Variants in ZNF500 observed in about 807,000 individuals in gnomAD.
The protein encoded by ZNF500 is zinc finger protein with KRAB and SCAN domains 18.
ZNF500 carries 31 observed loss-of-function variants against 30.1 expected under a neutral mutation model. That is an observed-to-expected ratio of 1.03 (90% CI 0.77 to 1.39). ZNF500 has a LOEUF of 1.39. Ranked by LOEUF, ZNF500 falls within the 40% of genes most tolerant of loss-of-function variation. The pLI is 0.00. For synonymous variants in ZNF500, 392 were observed against 282.0 expected, an observed-to-expected ratio of 1.39 and a Z score of -3.91; for missense variants, 817 against 657.8, an observed-to-expected ratio of 1.24 and a Z score of -2.65.
intron 2 of ZNF500, among the ~76,000 whole-genome samples, chr16:4,764,866 T>G (rs1372310302): frequency 6.6e-6 from 1 of 152,142 alleles, no homozygotes; most frequent in African/African-American, 2.4e-5. Context: ...AGCTACTGTT[T>G]TGCATGGCAC....
intron 3 of ZNF500, 43 bp from the exon 4 acceptor site, chr16:4,762,378 G>A: frequency 6.4e-7 from 1 of 1,568,630 alleles, no homozygotes; most frequent in Non-Finnish European, 8.6e-7. Flanking sequence ...AGCTCACCCA[G>A]TACTGCCCCT....
downstream of ZNF500, among the ~76,000 whole-genome samples, chr16:4,745,217 A>T (rs371500798): frequency 1.3e-5 from 2 of 152,284 alleles, no homozygotes; most frequent in Admixed American, 6.5e-5. Flanking sequence ...CTCTGGCCAT[A>T]AATGGCAGGG....
intron 4 of ZNF500, 103 bp from the exon 5 acceptor site, chr16:4,760,691 T>C: frequency 9.7e-7 from 1 of 1,030,762 alleles, no homozygotes; most frequent in South Asian, 1.5e-5. Context: ...CCCTCGAGGC[T>C]GGCGCCAAGC....
downstream of ZNF500, among the ~76,000 whole-genome samples, chr16:4,747,894 A>T (rs2082038168): frequency 6.6e-6 from 1 of 152,186 alleles, no homozygotes; most frequent in Non-Finnish European, 1.5e-5. Flanking sequence ...GGAGATGGGC[A>T]GGGACAGCAG....
chr16:4,744,831 A>G (rs766194544), downstream of ZNF500: 43 of 1,592,186 alleles, frequency 2.7e-5, no homozygotes, highest in Non-Finnish European at 1.8e-5. Flanking sequence ...CAAGTGGGCC[A>G]AGTCCCCACT....
chr16:4,762,787 T>C (rs1444424099), intron 2 of ZNF500, 31 bp from the exon 3 acceptor site: 16 of 1,544,374 alleles, frequency 1.0e-5, no homozygotes, highest in Non-Finnish European at 1.4e-5. Context: ...CCCCACCAGC[T>C]CCCAGAAGGC....
intron 4 of ZNF500, among the ~76,000 whole-genome samples, chr16:4,761,624 T>A (rs1363845889): frequency 1.3e-5 from 2 of 150,174 alleles, no homozygotes; most frequent in Non-Finnish European, 3.0e-5. Context: ...GGCAAGAGGA[T>A]CACTTGAGCC....
At position 4,752,837 on chromosome 16, in the gene ZNF500, G is replaced by C. The variant is rs1248312526; in HGVS notation, c.982C>G (p.Pro328Ala). ...TTGCTGAAGCCTTTGCCACATTCGG[G>C]GCAGGTGTACGGCTTGTCAGCCCCA... ...SHGADKPYTCPECGKGFSKTS... is the reference protein window; with the variant it reads ...SHGADKPYTCAECGKGFSKTS... Residue 328 changes from proline (P) to alanine (A), a missense_variant, in exon 6 of 6, where the codon CCC (proline) becomes GCC (alanine). By Grantham distance (27) the Pro-to-Ala change is conservative (BLOSUM62 -1). Transcript: ENST00000219478. The C allele has an allele frequency of 6.2e-7, 1 of 1,614,130 alleles. No individual in the cohort carries two copies. Among genetic ancestry groups the C allele is most frequent in the Non-Finnish European group, 8.5e-7 (1 of 1,180,048 alleles).
downstream of ZNF500, chr16:4,747,663 C>CGGGCT: frequency 6.4e-7 from 1 of 1,567,820 alleles, no homozygotes; most frequent in Non-Finnish European, 8.7e-7. Flanking sequence ...TGGGCAGGGG[C>CGGGCT]GGGCTGACTT....
chr16:4,760,093 C>A (rs1474398364), intron 5 of ZNF500, among the ~76,000 whole-genome samples: 1 of 152,156 alleles, frequency 6.6e-6, no homozygotes, highest in Non-Finnish European at 1.5e-5. Flanking sequence ...TCAGGAAAGG[C>A]AGGAAGAGAC....
At chr16:4,746,650 C>A, downstream of ZNF500, 1 of 1,223,990 alleles carries the variant, frequency 8.2e-7, no homozygotes, top group Non-Finnish European at 1.1e-6. Flanking sequence ...TTGAAAAGTG[C>A]TGGCCTACAG....
chr16:4,746,580 C>G (rs1284644825), downstream of ZNF500: 1 of 1,520,610 alleles, frequency 6.6e-7, no homozygotes, highest in Admixed American at 2.0e-5. Flanking sequence ...CCGCACAGAG[C>G]CTCTGGTGGA....
chr16:4,744,630 C>G (rs1370004820), downstream of ZNF500, among the ~76,000 whole-genome samples: 2 of 95,172 alleles, frequency 2.1e-5, no homozygotes, highest in African/African-American at 6.5e-5. Context: ...ATACGTCACT[C>G]CTACTTCACC....
chr16:4,762,160 G>A (rs528834947), intron 4 of ZNF500, 111 bp downstream of exon 4: 1 of 1,250,076 alleles, frequency 8.0e-7, no homozygotes, highest in African/African-American at 1.5e-5. Context: ...GAGCTCCTCT[G>A]ACATCCAAAA....
At chr16:4,766,986 G>A (rs1303450004) in intron 1 of ZNF500, 31 bp downstream of exon 1, 2 of 152,322 alleles carry the variant, frequency 1.3e-5, no homozygotes. Context: ...GCTTCGGCCG[G>A]GACCCGCGTC....
downstream of ZNF500, among the ~76,000 whole-genome samples, chr16:4,747,877 C>T (rs1351463520): frequency 3.3e-5 from 5 of 152,128 alleles, no homozygotes; most frequent in African/African-American, 9.7e-5. Flanking sequence ...GGGCCTGGTC[C>T]TCTGAGGGAG....
chr16:4,752,584 G>T lies in ZNF500; in HGVS notation c.1235C>A (p.Thr412Asn), dbSNP rs143479964. 6 of 1,587,024 alleles carry T rather than the reference G, an allele frequency of 3.8e-6. No homozygotes were observed. Among genetic ancestry groups the T allele is most frequent in the Admixed American group, 1.8e-5 (1 of 55,358 alleles). The change falls in exon 6 of 6, where the codon ACC becomes AAC. Residue 412 changes from threonine (T) to asparagine (N), a missense_variant. Transcript: ENST00000219478. ...GTTGTTGAAGCGCTTCCCGCACTGGGTGCAGGCATAGGGCCGCTCCCCGCT... is the reference window on the plus strand; with the variant it reads ...GTTGTTGAAGCGCTTCCCGCACTGGTTGCAGGCATAGGGCCGCTCCCCGCT... ...THSGERPYAC[T>N]QCGKRFNNSS...
chr16:4,758,784 C>A (rs184161796), intron 5 of ZNF500, among the ~76,000 whole-genome samples: 1 of 152,178 alleles, frequency 6.6e-6, no homozygotes, highest in Non-Finnish European at 1.5e-5. Context: ...GAGCCCCATA[C>A]AACATCATCT....
downstream of ZNF500, chr16:4,747,579 C>G (rs774438684): frequency 6.2e-7 from 1 of 1,610,684 alleles, no homozygotes; most frequent in South Asian, 1.1e-5. Flanking sequence ...GTTCCTGAGC[C>G]AGGGGCAGCC....
Sources: gnomAD v4.1 joint callset for allele counts (sites outside exome capture counted in the v4.1 genomes callset) on GRCh38, gnomAD v4.1.1 for gene constraint, MANE v1.5 for transcripts, NCBI Gene and HGNC (gene_info 2026-07-23, HGNC 2026-07-21) for gene names.